MTMR10: variants seen among roughly 807,000 people sequenced by gnomAD.
MTMR10 encodes the protein myotubularin-related protein 10.
Under a neutral mutation model 88.1 loss-of-function variants are expected in MTMR10, and 56 were observed. The ratio of observed to expected loss-of-function variants is 0.64; its 90% CI spans 0.51 to 0.79. The LOEUF (loss-of-function observed/expected upper bound fraction) is 0.79, where lower values mean the gene tolerates loss of function less well. MTMR10 is among the 30% of genes least tolerant of loss of function. The pLI, the probability that MTMR10 is intolerant of heterozygous loss-of-function variation, is 0.00. For synonymous variants in MTMR10, 380 were observed against 340.9 expected, an observed-to-expected ratio of 1.11 and a Z score of -1.26; for missense variants, 883 against 924.7, an observed-to-expected ratio of 0.95 and a Z score of 0.58.
rs1378905533 is a variant in MTMR10 at position 30,976,869 on chromosome 15, A to T, written c.208T>A (p.Cys70Ser). The T allele has an allele frequency of 6.2e-7, 1 of 1,613,952 alleles. No individual in the cohort carries two copies. Among genetic ancestry groups the T allele is most frequent in the Admixed American group, 1.7e-5 (1 of 60,030 alleles). The change falls in exon 3 of 16, where the codon TGC becomes AGC. Residue 70 changes from cysteine to serine, a missense_variant. By Grantham distance (112) the Cys-to-Ser change is moderately radical. Around this residue, in one of 3 missense-constraint regions of MTMR10, gnomAD observed 414 missense variants for 423.2 expected, o/e 0.98. Transcript: ENST00000435680. The part of the protein sequence containing the change: ...SQYDLWGKLI[C>S]SNFKISFITD... ...ATAAAGGAGATTTTGAAGTTACTGC[A>T]TATCAGCTTTCCCCACAAATCGTAC...
chr15:30,954,534 AG>A (rs2063294955), intron 10 of MTMR10, among the ~76,000 whole-genome samples: 1 of 152,196 alleles, frequency 6.6e-6, no homozygotes, highest in African/African-American at 2.4e-5. Context: ...CATCATCTGA[AG>A]GAAATTTAAT....
intron 5 of MTMR10, among the ~76,000 whole-genome samples, chr15:30,971,547 T>A (rs1343836692): frequency 1.3e-5 from 2 of 152,200 alleles, no homozygotes; most frequent in African/African-American, 4.8e-5. Context: ...CTTAATCAGA[T>A]GAATGGAATT....
chr15:30,940,155 T>C lies in MTMR10; in HGVS notation c.*1315A>G. On this transcript the variant is annotated 3_prime_UTR_variant, in exon 16 of 16. Coordinates refer to ENST00000435680, the MANE Select transcript of MTMR10 (RefSeq NM_017762.3). ...TAAGAAACAGTCAAATTTGAAAGTA[T>C]CCATGTTTTAAGCGGGGAATGAGGA... 1.0e-6 allele frequency: 1 copy of C among 985,450 alleles called. No individual in the cohort carries two copies. The highest frequency in any genetic ancestry group is 4.7e-5 in the South Asian group (1 of 21,280). 61.0% of individuals were successfully genotyped at this position (985,450 alleles called of 1,614,324 possible). A position where few individuals can be genotyped will look rare whatever the true frequency, so the allele number is the denominator to read the frequency against.
chr15:30,989,411 C>G (rs1015110687), intron 2 of MTMR10, among the ~76,000 whole-genome samples: 1 of 151,970 alleles, frequency 6.6e-6, no homozygotes, highest in African/African-American at 2.4e-5. Context: ...TCATATGGAA[C>G]CAAAGTTTGG....
At chr15:30,927,915 CCAGT>C in the MTMR10 span, 5 of 985,726 alleles carry the variant, frequency 5.1e-6, no homozygotes, top group Non-Finnish European at 6.0e-6. Flanking sequence ...AGGTCATCTC[CCAGT>C]CAGTAAAACA....
chr15:30,955,804 G>A (rs1211619751), intron 9 of MTMR10, among the ~76,000 whole-genome samples: 1 of 152,074 alleles, frequency 6.6e-6, no homozygotes, highest in African/African-American at 2.4e-5. Flanking sequence ...TTTGCTGTAG[G>A]ATAAACTGCA....
intron 5 of MTMR10, among the ~76,000 whole-genome samples, chr15:30,971,070 G>T (rs1196234108): frequency 1.3e-5 from 2 of 152,038 alleles, no homozygotes; most frequent in African/African-American, 2.4e-5. Flanking sequence ...GGAACACTCC[G>T]AGAAGAGAAA....
At chr15:30,923,359 C>T in the MTMR10 span, among the ~76,000 whole-genome samples, 5 of 152,138 alleles carry the variant, frequency 3.3e-5, 1 homozygote, top group East Asian at 5.8e-4. Context: ...GTGTTTCTGT[C>T]GCCTTTCTTT....
At chr15:30,928,410 A>T in the MTMR10 span, 2 of 1,483,682 alleles carry the variant, frequency 1.3e-6, 1 homozygote, top group South Asian at 2.7e-5. Flanking sequence ...TGAAAACAGC[A>T]TTTGCTTCTG....
intron 7 of MTMR10, 49 bp downstream of exon 7, chr15:30,960,832 T>C: frequency 6.8e-7 from 1 of 1,469,210 alleles, no homozygotes; most frequent in Non-Finnish European, 9.1e-7. Context: ...TGATTATTCA[T>C]AGGGAAGTGA....
intron 3 of MTMR10, among the ~76,000 whole-genome samples, chr15:30,976,034 TA>T (rs2030113395): frequency 6.6e-6 from 1 of 152,044 alleles, no homozygotes; most frequent in African/African-American, 2.4e-5. Context: ...TGAAAATTTT[TA>T]AATCGATACT....
chr15:30,930,966 A>T, the MTMR10 span, among the ~76,000 whole-genome samples: 1 of 152,246 alleles, frequency 6.6e-6, no homozygotes, highest in Non-Finnish European at 1.5e-5. Context: ...TCTCTAGTCC[A>T]GCTGACACTC....
intron 6 of MTMR10, among the ~76,000 whole-genome samples, chr15:30,966,747 G>A (rs2063476622): frequency 6.6e-6 from 1 of 151,530 alleles, no homozygotes; most frequent in Non-Finnish European, 1.5e-5. Context: ...ATATCGATAA[G>A]AAAAATTAAG....
chr15:30,947,880 G>A (rs957724829), intron 13 of MTMR10, among the ~76,000 whole-genome samples: 1 of 152,136 alleles, frequency 6.6e-6, no homozygotes, highest in Non-Finnish European at 1.5e-5. Context: ...AAGGCCTTCC[G>A]CAGCCTAACT....
chr15:30,931,288 T>A, the MTMR10 span, among the ~76,000 whole-genome samples: 1 of 152,216 alleles, frequency 6.6e-6, no homozygotes, highest in African/African-American at 2.4e-5. Flanking sequence ...ACTGGTGATT[T>A]GTTTTCTCAT....
chr15:30,955,079 T>G (rs185024879), intron 9 of MTMR10, among the ~76,000 whole-genome samples, 186 bp from the exon 10 acceptor site: 1 of 151,926 alleles, frequency 6.6e-6, no homozygotes. Flanking sequence ...TAGAGACTAT[T>G]CCATCAGGTT....
the MTMR10 span, chr15:30,927,826 T>G: frequency 1.0e-6 from 1 of 985,656 alleles, no homozygotes; most frequent in African/African-American, 1.7e-5. Context: ...GTCTGTGTGT[T>G]GTGCCAAGGC....
chr15:30,974,820 G>T, intron 4 of MTMR10, 111 bp downstream of exon 4: 1 of 759,806 alleles, frequency 1.3e-6, no homozygotes, highest in Non-Finnish European at 1.9e-6. Flanking sequence ...AACGGCAAAA[G>T]TAAACTTACA....
In MTMR10 at chr15:30,991,569, C is replaced by A. The variant is rs1425866498; in HGVS notation, c.-63G>T. ...CAGTGGCAGCGCCGACGCCTCCGGG[C>A]GTAAAGCTCTCAGTGCGGCCGCCCA... On this transcript the variant is annotated 5_prime_UTR_variant, in exon 1 of 16. Transcript: ENST00000435680. 35 of 1,514,806 alleles carry A rather than the reference C, an allele frequency of 2.3e-5. No individual in the cohort carries two copies. The highest frequency in any genetic ancestry group is 3.0e-5 in the Non-Finnish European group (34 of 1,140,456). 93.8% of individuals were successfully genotyped at this position (1,514,806 alleles called of 1,614,324 possible).
Sources: gnomAD v4.1 joint callset for allele counts (sites outside exome capture counted in the v4.1 genomes callset) on GRCh38, gnomAD v4.1.1 for gene constraint, gnomAD v4.1.1 regional missense constraint, MANE v1.5 for transcripts, NCBI Gene and HGNC (gene_info 2026-07-23, HGNC 2026-07-21) for gene names.